The following LRRC4C variants were observed in gnomAD, a reference collection of about 807,000 sequenced individuals.
LRRC4C encodes leucine-rich repeat-containing protein 4C.
LRRC4C carries 5 observed loss-of-function variants against 33.6 expected under a neutral mutation model. That is an observed-to-expected ratio of 0.15 (90% CI 0.08 to 0.31). The LOEUF (loss-of-function observed/expected upper bound fraction) is 0.31. Among genes scored for constraint, LRRC4C ranks in the 10% least tolerant of loss-of-function variants. The pLI, the probability that LRRC4C is intolerant of heterozygous loss-of-function variation, is 1.00. For synonymous variants in LRRC4C, 329 were observed against 302.0 expected, an observed-to-expected ratio of 1.09 and a Z score of -0.93; for missense variants, 560 against 796.7, an observed-to-expected ratio of 0.70 and a Z score of 3.58.
chr11:40,365,228 C>A (rs561806283), intron 3 of LRRC4C, among the ~76,000 whole-genome samples: 1 of 151,760 alleles, frequency 6.6e-6, no homozygotes, highest in Admixed American at 6.6e-5. Flanking sequence ...ATCATATATA[C>A]GATTTAAAAT....
At chr11:41,065,294 G>A (rs929215522) in intron 1 of LRRC4C, among the ~76,000 whole-genome samples, 1 of 152,090 alleles carries the variant, frequency 6.6e-6, no homozygotes, top group Non-Finnish European at 1.5e-5. Flanking sequence ...GGTTTGGACT[G>A]GGCAGAATTC....
chr11:40,837,337 TG>T (rs1192578763), intron 2 of LRRC4C, among the ~76,000 whole-genome samples: 2 of 152,122 alleles, frequency 1.3e-5, no homozygotes, highest in Non-Finnish European at 2.9e-5. Context: ...TCCAGGAAAT[TG>T]CATAATGCTT....
At chr11:41,000,369 A>G (rs1327700046) in intron 1 of LRRC4C, among the ~76,000 whole-genome samples, 1 of 152,166 alleles carries the variant, frequency 6.6e-6, no homozygotes, top group African/African-American at 2.4e-5. Flanking sequence ...TTCTCTAGGT[A>G]AGTAAATAAA....
In LRRC4C at chr11:41,048,156, G is replaced by C. The variant is rs147561841; in HGVS notation, c.-495-114433C>G. 4.1e-3 allele frequency among the ~76,000 whole-genome samples: 628 copies of C among 151,898 alleles called. 3 individuals carry two copies. The highest frequency in any genetic ancestry group is 0.013 in the African/African-American group (547 of 41,456). ...CAAATGTACTCATGAAAAGGTAAAT[G>C]AATGAGCATGTGAATAAATTGCTAT... On this transcript the variant is annotated intron_variant, in intron 1 of 6. Coordinates refer to ENST00000528697, the MANE Select transcript of LRRC4C (RefSeq NM_001258419.2).
intron 1 of LRRC4C, among the ~76,000 whole-genome samples, chr11:41,055,735 C>A (rs368674052): frequency 6.6e-6 from 1 of 151,944 alleles, no homozygotes; most frequent in Non-Finnish European, 1.5e-5. Context: ...ACATTCTTTA[C>A]AAGAATAAAA....
intron 3 of LRRC4C, among the ~76,000 whole-genome samples, chr11:40,525,723 C>CT (rs112163235): frequency 0.067 from 9,845 of 146,892 alleles, 832 homozygotes; most frequent in African/African-American, 0.2. Flanking sequence ...ACTTCAGCAA[C>CT]TTTTTTTTTT....
intron 2 of LRRC4C, among the ~76,000 whole-genome samples, chr11:40,683,206 C>T (rs1034169991): frequency 6.6e-6 from 1 of 152,052 alleles, no homozygotes. Context: ...GCAATGCTGC[C>T]CTCTTGCTGG....
At chr11:41,141,228 A>G (rs1274938503) in intron 1 of LRRC4C, among the ~76,000 whole-genome samples, 4 of 152,048 alleles carry the variant, frequency 2.6e-5, no homozygotes, top group East Asian at 1.9e-4. Context: ...TTCAGCCCCA[A>G]TGCTCCCAGT....
intron 4 of LRRC4C, among the ~76,000 whole-genome samples, chr11:40,316,434 G>A (rs1002834025): frequency 2.6e-5 from 4 of 151,884 alleles, no homozygotes; most frequent in African/African-American, 9.7e-5. Context: ...TGACCTTTTG[G>A]AAGACAATAA....
intron 1 of LRRC4C, among the ~76,000 whole-genome samples, chr11:41,234,808 G>A (rs1029496595): frequency 6.6e-6 from 1 of 152,046 alleles, no homozygotes; most frequent in Non-Finnish European, 1.5e-5. Context: ...GAAGTTCTGA[G>A]AAGAGAGTAG....
chr11:40,704,585 C>A (rs555022696), intron 2 of LRRC4C, among the ~76,000 whole-genome samples: 2 of 152,240 alleles, frequency 1.3e-5, no homozygotes, highest in Non-Finnish European at 2.9e-5. Flanking sequence ...ACCCGGGAAA[C>A]TAACCCTGTT....
At chr11:40,592,640 G>A (rs918204898) in intron 3 of LRRC4C, among the ~76,000 whole-genome samples, 2 of 151,756 alleles carry the variant, frequency 1.3e-5, no homozygotes, top group African/African-American at 4.8e-5. Context: ...GGCCTTAGCT[G>A]CTTCTGGTAA....
intron 2 of LRRC4C, among the ~76,000 whole-genome samples, chr11:40,866,211 T>G (rs1954362297): frequency 6.6e-6 from 1 of 151,736 alleles, no homozygotes; most frequent in Non-Finnish European, 1.5e-5. Context: ...GTCTTTATCT[T>G]TATTTCCCTC....
chr11:40,800,993 C>T (rs116356254), intron 2 of LRRC4C, among the ~76,000 whole-genome samples: 4,363 of 152,118 alleles, frequency 0.029, 202 homozygotes, highest in African/African-American at 0.099. Context: ...ATTGTCTTTC[C>T]TTCAACTTAG....
chr11:40,745,475 A>G (rs528230135), intron 2 of LRRC4C, among the ~76,000 whole-genome samples: 1 of 152,320 alleles, frequency 6.6e-6, no homozygotes, highest in African/African-American at 2.4e-5. Flanking sequence ...AAATAAACTG[A>G]TAATTGCTTA....
intron 1 of LRRC4C, among the ~76,000 whole-genome samples, chr11:41,026,538 C>T (rs1241155324): frequency 1.3e-5 from 2 of 151,538 alleles, no homozygotes; most frequent in African/African-American, 4.8e-5. Flanking sequence ...TGATTCCAAA[C>T]TTGCAAGAAG....
intron 5 of LRRC4C, among the ~76,000 whole-genome samples, chr11:40,212,047 T>A (rs1434015001): frequency 6.6e-6 from 1 of 152,172 alleles, no homozygotes; most frequent in East Asian, 1.9e-4. Flanking sequence ...AGTTTTCTGT[T>A]TATATACATT....
intron 5 of LRRC4C, among the ~76,000 whole-genome samples, chr11:40,152,548 GT>G (rs2135131383): frequency 6.6e-6 from 1 of 152,308 alleles, no homozygotes; most frequent in South Asian, 2.1e-4. Flanking sequence ...CCTCCAGCAA[GT>G]TTTCAAGTCC....
At chr11:40,564,356 T>A (rs1314669074) in intron 3 of LRRC4C, among the ~76,000 whole-genome samples, 1 of 152,080 alleles carries the variant, frequency 6.6e-6, no homozygotes, top group Non-Finnish European at 1.5e-5. Flanking sequence ...ATTACATGAG[T>A]CTAGAAGATG....
Sources: allele counts gnomAD v4.1 joint callset (sites outside exome capture counted in the v4.1 genomes callset), GRCh38; gene constraint gnomAD v4.1.1; transcripts MANE v1.5; gene names NCBI Gene and HGNC (gene_info 2026-07-23, HGNC 2026-07-21).